Variants in IPO5 observed in about 807,000 individuals in gnomAD.
IPO5 encodes the protein importin-5.
IPO5 carries 18 observed loss-of-function variants against 143.3 expected under a neutral mutation model. The ratio of observed to expected loss-of-function variants is 0.13; its 90% confidence interval spans 0.09 to 0.19. IPO5 has a LOEUF of 0.19. Among genes scored for constraint, IPO5 ranks in the 10% least tolerant of loss-of-function variants. The pLI, the probability that IPO5 is intolerant of heterozygous loss-of-function variation, is 1.00. For synonymous variants in IPO5, 477 were observed against 465.7 expected (o/e 1.02, Z -0.31); for missense variants, 1,013 against 1,336.9 (o/e 0.76, Z 3.78).
intron 5 of IPO5, among the ~76,000 whole-genome samples, chr13:97,983,677 A>T (rs895199366): frequency 6.6e-6 from 1 of 152,090 alleles, no homozygotes; most frequent in East Asian, 1.9e-4. Context: ...CATTACATTT[A>T]GAGTTTGTAG....
At position 97,985,502 on chromosome 13, in the gene IPO5, G is replaced by T. The variant is rs781545111; in HGVS notation, c.253G>T (p.Val85Phe). 1 of 1,613,942 alleles carries T rather than the reference G, an allele frequency of 6.2e-7. No homozygotes were observed. Among genetic ancestry groups the T allele is most frequent in the South Asian group, 1.1e-5 (1 of 91,084 alleles). ...DEVYPALPSDVQTAIKSELLM... is the reference protein window; with the variant it reads ...DEVYPALPSDFQTAIKSELLM... ...AGTCTATCCAGCACTTCCCTCTGAT[G>T]TTCAGACTGCCATCAAGAGTGAGCT... Residue 85 changes from valine to phenylalanine, a missense_variant, in exon 6 of 29, where the codon GTT becomes TTT. Physicochemically the swap from Val to Phe is conservative, Grantham distance 50. Coordinates refer to ENST00000651721, the MANE Select transcript of IPO5 (RefSeq NM_002271.6).
rs900818001 is a variant in IPO5 at position 98,021,196 on chromosome 13, A to G, written c.3207+63A>G. 26 of 1,423,418 alleles carry G rather than the reference A, an allele frequency of 1.8e-5. No homozygotes were observed. In the Admixed American group the frequency reaches 4.1e-4, roughly 22 times the overall value. The allele number at this position is 1,423,418 out of a possible 1,614,324, so 88.2% of individuals were successfully genotyped here. On this transcript the variant is annotated intron_variant, in intron 28 of 28. Coordinates refer to ENST00000651721, the MANE Select transcript of IPO5 (RefSeq NM_002271.6). ...AACCTTTTTTTCTTTGTAGTCCTCT[A>G]TGAGAAGAAACTAGAAATCTAATGA...
At chr13:97,959,054 C>T (rs1040206993) in intron 2 of IPO5, among the ~76,000 whole-genome samples, 2 of 151,926 alleles carry the variant, frequency 1.3e-5, no homozygotes, top group African/African-American at 2.4e-5. Context: ...CACCTGTAAT[C>T]CCAGCTACTC....
At chr13:97,954,622 G>A (rs371725594) in intron 2 of IPO5, among the ~76,000 whole-genome samples, 1 of 152,162 alleles carries the variant, frequency 6.6e-6, no homozygotes, top group East Asian at 1.9e-4. Context: ...CAATCCCTAA[G>A]TAGTCAAAAG....
intron 2 of IPO5, among the ~76,000 whole-genome samples, chr13:97,966,597 T>C (rs1885363240): frequency 6.6e-6 from 1 of 152,206 alleles, no homozygotes; most frequent in Non-Finnish European, 1.5e-5. Context: ...AGGGCACAAC[T>C]GGCCTTATAA....
intron 11 of IPO5, among the ~76,000 whole-genome samples, chr13:97,996,713 C>T (rs1286679632): frequency 3.9e-5 from 6 of 152,130 alleles, no homozygotes; most frequent in South Asian, 2.1e-4. Flanking sequence ...CGCCATTCTC[C>T]TGCCTAAGCC....
At chr13:97,969,153 GTATATA>G (rs1210544640) in intron 2 of IPO5, among the ~76,000 whole-genome samples, 29 of 63,460 alleles carry the variant, frequency 4.6e-4, no homozygotes, top group African/African-American at 1.2e-3. Flanking sequence ...TTTCTGCTAA[GTATATA>G]TATATATATA....
intron 3 of IPO5, among the ~76,000 whole-genome samples, chr13:97,974,550 TC>T (rs1364007827): frequency 6.6e-6 from 1 of 151,940 alleles, no homozygotes; most frequent in Non-Finnish European, 1.5e-5. Flanking sequence ...CCTCAGGTGA[TC>T]CGCCCACCTC....
At chr13:97,988,040 G>A (rs538752613) in intron 6 of IPO5, 2 of 265,050 alleles carry the variant, frequency 7.5e-6, no homozygotes, top group African/African-American at 2.3e-5. Flanking sequence ...CAGCACAATT[G>A]TCATTTCACA....
intron 27 of IPO5, 139 bp from the exon 28 acceptor site, chr13:98,020,853 G>C (rs1401002525): frequency 3.3e-6 from 2 of 611,912 alleles, no homozygotes; most frequent in East Asian, 6.5e-5. Flanking sequence ...AATTTATGTA[G>C]AAAGAAACTA....
intron 4 of IPO5, among the ~76,000 whole-genome samples, chr13:97,978,932 T>A (rs1291934074): frequency 5.9e-5 from 9 of 152,358 alleles, no homozygotes; most frequent in Non-Finnish European, 1.5e-5. Context: ...TCTTAGTCTC[T>A]TTATTCCTAG....
At chr13:97,983,604 ATC>A (rs1887048214) in intron 5 of IPO5, among the ~76,000 whole-genome samples, 1 of 129,700 alleles carries the variant, frequency 7.7e-6, no homozygotes, top group African/African-American at 3.0e-5. Flanking sequence ...GCCATTGAAT[ATC>A]TGTTTACTTT....
At chr13:97,958,544 T>C (rs567189324) in intron 2 of IPO5, among the ~76,000 whole-genome samples, 3 of 152,104 alleles carry the variant, frequency 2.0e-5, no homozygotes, top group African/African-American at 4.8e-5. Context: ...CAGGGTCCTC[T>C]ATCTCATTTT....
In IPO5 at chr13:97,988,471, T is replaced by C. The variant is rs868822769; in HGVS notation, c.365-591T>C. 5.9e-5 allele frequency among the ~76,000 whole-genome samples: 9 copies of C among 152,330 alleles called. No homozygotes were observed. The South Asian group carries it at 8.3e-4, about 14-fold the overall frequency. Reference sequence around the variant, plus strand: ...TTGTACAGTTAAAAGTGCTGCCTTCTCTTCAAATTCCACTCCTTAGAAATA... The same window carrying C: ...TTGTACAGTTAAAAGTGCTGCCTTCCCTTCAAATTCCACTCCTTAGAAATA... On this transcript the variant is annotated intron_variant, in intron 6 of 28. Coordinates refer to ENST00000651721, the MANE Select transcript of IPO5 (RefSeq NM_002271.6).
At chr13:97,956,309 T>C (rs1052179341) in intron 2 of IPO5, among the ~76,000 whole-genome samples, 1 of 152,128 alleles carries the variant, frequency 6.6e-6, no homozygotes, top group African/African-American at 2.4e-5. Context: ...TAGAAGGTTA[T>C]CCCTCAAACA....
chr13:97,993,026 A>G lies in IPO5; in HGVS notation c.792+12A>G. ...AGCTAAGTCTAAAGGTAAATTAAGT[A>G]CGTTAGTAAACGTTCTGTTTGTTAT... On this transcript the variant is annotated intron_variant, in intron 10 of 28. Transcript: ENST00000651721. 1 of 1,611,832 alleles carries G rather than the reference A, an allele frequency of 6.2e-7. No homozygotes were observed. The highest frequency in any genetic ancestry group is 8.5e-7 in the Non-Finnish European group (1 of 1,178,382).
chr13:98,019,841 C>T (rs757820878), intron 27 of IPO5, 32 bp downstream of exon 27: 1 of 1,441,266 alleles, frequency 6.9e-7, no homozygotes, highest in Non-Finnish European at 9.8e-7. Context: ...TTATTTCCTT[C>T]TCCTCCACAG....
chr13:97,978,122 A>G (rs1376217560), intron 4 of IPO5, among the ~76,000 whole-genome samples: 1 of 152,236 alleles, frequency 6.6e-6, no homozygotes, highest in African/African-American at 2.4e-5. Context: ...TTTATTTATT[A>G]TACATGTAAT....
rs368926370 is a variant in IPO5, at chr13:98,022,079, C to T, written c.*257C>T. 1.1e-3 allele frequency: 374 copies of T among 326,358 alleles called. 1 individual carries two copies. The highest frequency in any genetic ancestry group is 1.8e-3 in the Non-Finnish European group (327 of 177,968). The allele number at this position is 326,358 out of a possible 1,614,324, so 20.2% of individuals were successfully genotyped here. A position where few individuals can be genotyped will look rare whatever the true frequency, so the allele number is the denominator to read the frequency against. ...AGACTATTTTTCTATTGGTATAACC[C>T]GCCCACCTGAAGGGGAAAGGGAAAT... is the stretch of plus-strand genomic sequence containing the variant. On this transcript the variant is annotated 3_prime_UTR_variant, in exon 29 of 29. Transcript: ENST00000651721.
Sources: allele counts gnomAD v4.1 joint callset (sites outside exome capture counted in the v4.1 genomes callset), GRCh38; gene constraint gnomAD v4.1.1; transcripts MANE v1.5; gene names NCBI Gene and HGNC (gene_info 2026-07-23, HGNC 2026-07-21).